The following PRDM1 variants were observed in gnomAD, a reference collection of about 807,000 sequenced individuals.
PRDM1 encodes the protein PR/SET domain 1.
Under a neutral mutation model 62.8 loss-of-function variants are expected in PRDM1, and 13 were observed. The ratio of observed to expected loss-of-function variants is 0.21; its 90% CI spans 0.13 to 0.33. The LOEUF (loss-of-function observed/expected upper bound fraction) is 0.33, where lower values mean the gene tolerates loss of function less well. Among genes scored for constraint, PRDM1 ranks in the 10% least tolerant of loss-of-function variants. PRDM1 has a pLI of 1.00. For missense variants in PRDM1, 895 were observed against 1,058.8 expected, an observed-to-expected ratio of 0.85 and a Z score of 2.15; for synonymous variants, 396 against 417.6, an observed-to-expected ratio of 0.95 and a Z score of 0.63.
chr6:106,076,610 ATAT>A (rs1351398908), intron 1 of PRDM1, among the ~76,000 whole-genome samples: 7 of 152,344 alleles, frequency 4.6e-5, no homozygotes, highest in Middle Eastern at 3.4e-3. Context: ...ATCTGAATTA[ATAT>A]TATATGAGGA....
At chr6:106,078,849 G>A (rs1465500479) in intron 1 of PRDM1, among the ~76,000 whole-genome samples, 1 of 152,082 alleles carries the variant, frequency 6.6e-6, no homozygotes, top group African/African-American at 2.4e-5. Context: ...GGGAGGCCCT[G>A]TCTCAGAAAA....
chr6:106,095,864 C>A (rs1774101801), intron 3 of PRDM1, 130 bp downstream of exon 3: 1 of 987,994 alleles, frequency 1.0e-6, no homozygotes. Context: ...CCAGCATCCC[C>A]ATGGACACAG....
chr6:106,100,762 T>C (rs762469586), intron 4 of PRDM1, among the ~76,000 whole-genome samples: 4 of 152,178 alleles, frequency 2.6e-5, no homozygotes, highest in Non-Finnish European at 4.4e-5. Flanking sequence ...TCTGGGGCTA[T>C]AAAAGCATCA....
chr6:106,102,413 G>A (rs1452611743), intron 4 of PRDM1, among the ~76,000 whole-genome samples: 2 of 152,168 alleles, frequency 1.3e-5, no homozygotes, highest in Non-Finnish European at 2.9e-5. Flanking sequence ...TCTTAGGGAG[G>A]CTAACATGTC....
In PRDM1 at chr6:106,106,832, C is replaced by A. The variant is rs1774505945; in HGVS notation, c.1903-79C>A. 8 of 1,449,730 alleles carry A rather than the reference C, an allele frequency of 5.5e-6. No individual in the cohort carries two copies. The East Asian group carries it at 1.8e-4, about 33-fold the overall frequency. 89.8% of individuals were successfully genotyped at this position (1,449,730 alleles called of 1,614,324 possible). A position where few individuals can be genotyped will look rare whatever the true frequency, so the allele number is the denominator to read the frequency against. ...GGTTGCTGGGCGTTGGCCGGTAAGC[C>A]TGCCCCTCCCGTTGGCAACTCTTAA... On this transcript the variant is annotated intron_variant, in intron 6 of 6. Coordinates refer to ENST00000369096, the MANE Select transcript of PRDM1 (RefSeq NM_001198.4). The surrounding 1 kb of genome is among the most constrained non-coding windows in gnomAD (Gnocchi z 4.4).
chr6:106,013,000 C>T (rs1340902119), intron 1 of PRDM1, among the ~76,000 whole-genome samples: 1 of 151,736 alleles, frequency 6.6e-6, no homozygotes, highest in African/African-American at 2.4e-5. Flanking sequence ...AATTCTCGTG[C>T]CTCAGTCTCT....
chr6:106,104,446 G>A (rs1229077675), intron 4 of PRDM1, among the ~76,000 whole-genome samples: 1 of 152,136 alleles, frequency 6.6e-6, no homozygotes, highest in East Asian at 1.9e-4. Context: ...TCCGACCTCA[G>A]GTGATCCGCC....
At chr6:106,018,554 C>G (rs1157893360) in intron 1 of PRDM1, among the ~76,000 whole-genome samples, 2 of 152,158 alleles carry the variant, frequency 1.3e-5, no homozygotes, top group Non-Finnish European at 2.9e-5. Context: ...CTCTTCTGGT[C>G]TTGACAGTTT....
At chr6:106,023,473 C>CAA (rs11300481) in intron 1 of PRDM1, among the ~76,000 whole-genome samples, 6 of 149,674 alleles carry the variant, frequency 4.0e-5, no homozygotes, top group Admixed American at 1.3e-4. Context: ...GACTCTGTCT[C>CAA]AAAAAAAAAA....
intron 1 of PRDM1, among the ~76,000 whole-genome samples, chr6:106,009,770 T>C (rs1336504648): frequency 6.6e-6 from 1 of 152,014 alleles, no homozygotes; most frequent in East Asian, 1.9e-4. Flanking sequence ...CAGGCTGGAG[T>C]GCAGTGGCAT....
chr6:106,028,515 C>G (rs979499179), intron 1 of PRDM1, among the ~76,000 whole-genome samples: 2 of 152,156 alleles, frequency 1.3e-5, no homozygotes, highest in South Asian at 2.1e-4. Flanking sequence ...AATACTAAAA[C>G]ATGGTATAGA....
At chr6:106,087,816 GC>G (rs1317785522) in intron 1 of PRDM1, 1 of 236,094 alleles carries the variant, frequency 4.2e-6, no homozygotes. Context: ...TTCTGAGGCA[GC>G]TTTTCCACAG....
intron 1 of PRDM1, among the ~76,000 whole-genome samples, chr6:106,013,692 G>A (rs1772584628): frequency 6.6e-6 from 1 of 152,242 alleles, no homozygotes; most frequent in African/African-American, 2.4e-5. Context: ...ATATTGTATA[G>A]TGCTGCCAAG....
At chr6:106,078,958 CATTATT>C (rs1194573418) in intron 1 of PRDM1, among the ~76,000 whole-genome samples, 1 of 151,016 alleles carries the variant, frequency 6.6e-6, no homozygotes, top group Non-Finnish European at 1.5e-5. Context: ...TTATTATTAT[CATTATT>C]ATTATTATTA....
chr6:106,019,920 G>T (rs1236426698), intron 1 of PRDM1, among the ~76,000 whole-genome samples: 2 of 149,262 alleles, frequency 1.3e-5, no homozygotes, highest in South Asian at 2.2e-4. Flanking sequence ...GATTACAGGC[G>T]TGAGCTGCCT....
chr6:106,033,077 T>C (rs1772869088), intron 1 of PRDM1, among the ~76,000 whole-genome samples: 1 of 152,124 alleles, frequency 6.6e-6, no homozygotes, highest in Non-Finnish European at 1.5e-5. Context: ...GGTAGTTTTT[T>C]TTTTTCAATT....
At position 106,088,146 on chromosome 6, in the gene PRDM1, G is replaced by T. The variant is rs1412094579; in HGVS notation, c.43-55G>T. 2.6e-6 allele frequency: 4 copies of T among 1,539,160 alleles called. No individual in the cohort carries two copies. The East Asian group carries it at 9.7e-5, about 37-fold the overall frequency. ...TGTATTAGTCATAGCCTCTCAGAAG[G>T]AGCCACAGGAACGGCGGGACAATGG... On this transcript the variant is annotated intron_variant, in intron 1 of 6. Coordinates refer to ENST00000369096, the MANE Select transcript of PRDM1 (RefSeq NM_001198.4).
chr6:105,999,839 G>A (rs1156859712), intron 1 of PRDM1, among the ~76,000 whole-genome samples: 1 of 152,142 alleles, frequency 6.6e-6, no homozygotes, highest in Non-Finnish European at 1.5e-5. Context: ...CAAAGTATGT[G>A]ACCTTCCTTT....
At chr6:106,085,358 G>C (rs1008216614), upstream of PRDM1, among the ~76,000 whole-genome samples, 2 of 152,232 alleles carry the variant, frequency 1.3e-5, no homozygotes, top group African/African-American at 4.8e-5. Flanking sequence ...TTGAAATGGG[G>C]TGTTTGCTAT....
Sources: gnomAD v4.1 joint callset for allele counts (sites outside exome capture counted in the v4.1 genomes callset) on GRCh38, gnomAD v4.1.1 for gene constraint, Gnocchi (gnomAD v3.1) non-coding constraint, MANE v1.5 for transcripts, NCBI Gene and HGNC (gene_info 2026-07-23, HGNC 2026-07-21) for gene names.